The following DHX33 variants were observed in gnomAD, a reference collection of about 807,000 sequenced individuals.
DHX33 encodes ATP-dependent RNA helicase DHX33.
A neutral mutation model predicts 72.5 loss-of-function variants in DHX33; 42 were observed. The ratio of observed to expected loss-of-function variants is 0.58; its 90% CI spans 0.45 to 0.75. The LOEUF is 0.75. Among genes scored for constraint, DHX33 ranks in the 30% least tolerant of loss-of-function variants. The pLI is 0.00. For missense variants in DHX33, 842 were observed against 917.5 expected, an observed-to-expected ratio of 0.92 and a Z score of 1.06; for synonymous variants, 358 against 366.1, an observed-to-expected ratio of 0.98 and a Z score of 0.25.
chr17:5,466,150 G>A (rs993864131), intron 1 of DHX33, among the ~76,000 whole-genome samples: 1 of 152,128 alleles, frequency 6.6e-6, no homozygotes, highest in Non-Finnish European at 1.5e-5. Context: ...AGTCAAAATC[G>A]TACAGTAGAA....
intron 4 of DHX33, among the ~76,000 whole-genome samples, chr17:5,460,331 G>A (rs1268121098): frequency 6.6e-6 from 1 of 151,952 alleles, no homozygotes; most frequent in Admixed American, 6.6e-5. Context: ...CTTCTTAATG[G>A]CGGTTATAAT....
At chr17:5,452,306 G>A (rs966066296) in intron 8 of DHX33, among the ~76,000 whole-genome samples, 9 of 152,312 alleles carry the variant, frequency 5.9e-5, no homozygotes, top group African/African-American at 1.4e-4. Flanking sequence ...TTGGGAGACC[G>A]AGGTGGGCGG....
In DHX33 at chr17:5,458,307, G is replaced by C. The variant is rs558915333; in HGVS notation, c.850-2125C>G. On this transcript the variant is annotated intron_variant, in intron 4 of 11. Transcript: ENST00000225296. ...AGAACTATACACGACTGGCATATGA[G>C]ATGTTGGAATATTTGGGAGAAAATG... is the stretch of plus-strand genomic sequence containing the variant. Among the ~76,000 whole-genome samples the C allele has an allele frequency of 2.0e-5, 3 of 152,126 alleles. No homozygotes were observed. In the East Asian group the frequency reaches 5.8e-4, roughly 29 times the overall value.
At chr17:5,465,420 A>G (rs767411002) in intron 1 of DHX33, among the ~76,000 whole-genome samples, 5 of 152,214 alleles carry the variant, frequency 3.3e-5, no homozygotes, top group Non-Finnish European at 7.3e-5. Flanking sequence ...CTCCTATACC[A>G]GGGCAACAGA....
chr17:5,453,531 GTTGT>G (rs749321335), intron 8 of DHX33, 45 bp downstream of exon 8: 13 of 1,472,456 alleles, frequency 8.8e-6, no homozygotes, highest in Admixed American at 6.7e-5. Context: ...TCCATTTGTT[GTTGT>G]TTGTCTCCTC....
chr17:5,448,556 T>C (rs1453641158), intron 11 of DHX33, among the ~76,000 whole-genome samples: 1 of 152,186 alleles, frequency 6.6e-6, no homozygotes, highest in African/African-American at 2.4e-5. Flanking sequence ...AAAATGCTTA[T>C]AAAGATTATA....
At chr17:5,448,040 G>T (rs1473106083) in intron 11 of DHX33, among the ~76,000 whole-genome samples, 1 of 152,048 alleles carries the variant, frequency 6.6e-6, no homozygotes, top group East Asian at 1.9e-4. Flanking sequence ...TTAGCCAGGC[G>T]TGGTGACGCA....
rs1916470084 is a variant in DHX33 at position 5,442,367 on chromosome 17, A to C, written c.*1838T>G. ...CCTACTGGAAAACAAAAAACAAAAAACAAAAACTGGAAAACTTTTCAGAAA... is the reference window on the plus strand; with the variant it reads ...CCTACTGGAAAACAAAAAACAAAAACCAAAAACTGGAAAACTTTTCAGAAA... On this transcript the variant is annotated 3_prime_UTR_variant, in exon 12 of 12. Transcript: ENST00000225296. The C allele has an allele frequency of 7.7e-6, 1 of 130,084 alleles. No homozygotes were observed. Among genetic ancestry groups the C allele is most frequent in the Non-Finnish European group, 1.6e-5 (1 of 62,410 alleles). The allele number at this position is 130,084 out of a possible 1,614,324, so 8.1% of individuals were successfully genotyped here.
At chr17:5,460,906 G>T in intron 4 of DHX33, 33 bp downstream of exon 4, 1 of 1,589,064 alleles carries the variant, frequency 6.3e-7, no homozygotes, top group South Asian at 1.1e-5. Flanking sequence ...AGATAAAAGA[G>T]AACTTTTCAG....
intron 4 of DHX33, among the ~76,000 whole-genome samples, chr17:5,458,448 TC>T (rs1904431008): frequency 6.6e-6 from 1 of 152,100 alleles, no homozygotes. Context: ...GATACTGGAC[TC>T]AGAAAACATC....
chr17:5,467,305 A>G (rs1384630715), intron 1 of DHX33, among the ~76,000 whole-genome samples: 1 of 152,148 alleles, frequency 6.6e-6, no homozygotes, highest in East Asian at 1.9e-4. Flanking sequence ...ACATCTACAG[A>G]CGGCATTGCT....
chr17:5,465,438 T>C (rs902043653), intron 1 of DHX33, among the ~76,000 whole-genome samples: 1 of 152,256 alleles, frequency 6.6e-6, no homozygotes, highest in African/African-American at 2.4e-5. Flanking sequence ...AGAGCGTTGC[T>C]AAAGTAAAAT....
intron 11 of DHX33, among the ~76,000 whole-genome samples, chr17:5,446,889 G>C (rs1916676092): frequency 6.6e-6 from 1 of 152,184 alleles, no homozygotes; most frequent in African/African-American, 2.4e-5. Context: ...TACAAAAGCA[G>C]TTTAAAAAAA....
intron 11 of DHX33, among the ~76,000 whole-genome samples, chr17:5,446,972 T>C (rs1274330161): frequency 6.6e-6 from 1 of 152,218 alleles, no homozygotes; most frequent in East Asian, 1.9e-4. Context: ...GCCGTTGGCA[T>C]CAGACACAGG....
Position 5,453,567 on chromosome 17 carries a change from G to C in DHX33, c.1396+13C>G. On this transcript the variant is annotated intron_variant, in intron 8 of 11. Coordinates refer to ENST00000225296, the MANE Select transcript of DHX33 (RefSeq NM_020162.4). ...CCTCACCCACCTTCTGCAAAACTGT[G>C]GATTTCACTTACCTGGAGATGGCTT... 5.0e-6 allele frequency: 8 copies of C among 1,613,062 alleles called. No individual in the cohort carries two copies. Among genetic ancestry groups the C allele is most frequent in the Non-Finnish European group, 5.9e-6 (7 of 1,179,024 alleles).
At chr17:5,464,357 T>C (rs1904775458) in intron 1 of DHX33, among the ~76,000 whole-genome samples, 2 of 151,900 alleles carry the variant, frequency 1.3e-5, no homozygotes, top group African/African-American at 4.8e-5. Context: ...AAAAAGCAAA[T>C]TGACATAAAT....
intron 4 of DHX33, among the ~76,000 whole-genome samples, chr17:5,458,449 C>T (rs1904430839): frequency 6.6e-6 from 1 of 152,090 alleles, no homozygotes; most frequent in African/African-American, 2.4e-5. Flanking sequence ...ATACTGGACT[C>T]AGAAAACATC....
chr17:5,457,905 A>G (rs55935197), intron 4 of DHX33, among the ~76,000 whole-genome samples: 20,758 of 152,128 alleles, frequency 0.14, 1,604 homozygotes, highest in African/African-American at 0.2. Context: ...CTTCTTCCCC[A>G]AACACTATGA....
At position 5,444,014 on chromosome 17, in the gene DHX33, T is replaced by C. The variant is rs938029176; in HGVS notation, c.*191A>G. 1 of 590,070 alleles carries C rather than the reference T, an allele frequency of 1.7e-6. No individual in the cohort carries two copies. Among genetic ancestry groups the C allele is most frequent in the Admixed American group, 3.3e-5 (1 of 30,040 alleles). 36.6% of individuals were successfully genotyped at this position (590,070 alleles called of 1,614,324 possible). A position where few individuals can be genotyped will look rare whatever the true frequency, so the allele number is the denominator to read the frequency against. Reference sequence around the variant, plus strand: ...AAAGCATAATTTTGAGGTTTCCAGGTACAAATGATATGTCCATGTCTATAT... The same window carrying C: ...AAAGCATAATTTTGAGGTTTCCAGGCACAAATGATATGTCCATGTCTATAT... On this transcript the variant is annotated 3_prime_UTR_variant, in exon 12 of 12. Transcript: ENST00000225296. The surrounding 1 kb of genome is among the most constrained non-coding windows in gnomAD (Gnocchi z 4.9).
Sources: allele counts gnomAD v4.1 joint callset (sites outside exome capture counted in the v4.1 genomes callset), GRCh38; gene constraint gnomAD v4.1.1; non-coding constraint Gnocchi (gnomAD v3.1); transcripts MANE v1.5; gene names NCBI Gene and HGNC (gene_info 2026-07-23, HGNC 2026-07-21).